EPB41L5: variants seen among roughly 807,000 people sequenced by gnomAD.
EPB41L5 encodes the protein erythrocyte membrane protein band 4.1 like 5.
A neutral mutation model predicts 106.6 loss-of-function variants in EPB41L5; 55 were observed. That is an observed-to-expected ratio of 0.52 (90% CI 0.42 to 0.65). The LOEUF is 0.65. EPB41L5 is among the 30% of genes least tolerant of loss of function. EPB41L5 has a pLI of 0.00. For missense variants in EPB41L5, 871 were observed against 882.1 expected (o/e 0.99, Z 0.16); for synonymous variants, 297 against 306.7 (o/e 0.97, Z 0.33).
At chr2:120,162,637 T>C (rs902059839) in intron 21 of EPB41L5, among the ~76,000 whole-genome samples, 1 of 152,252 alleles carries the variant, frequency 6.6e-6, no homozygotes, top group Non-Finnish European at 1.5e-5. Context: ...TGAGATGTTT[T>C]TGAAGCAGAG....
chr2:120,163,369 T>A (rs1442142640), intron 21 of EPB41L5, among the ~76,000 whole-genome samples: 3 of 151,912 alleles, frequency 2.0e-5, no homozygotes, highest in African/African-American at 7.3e-5. Context: ...TTTTATCTTT[T>A]GTTGTTTTAA....
intron 14 of EPB41L5, among the ~76,000 whole-genome samples, chr2:120,098,094 G>A (rs1360275734): frequency 6.6e-6 from 1 of 150,606 alleles, no homozygotes; most frequent in Admixed American, 6.6e-5. Flanking sequence ...AAAAGAAATT[G>A]TGCCTGATGG....
chr2:120,023,442 C>G (rs1019283952), intron 2 of EPB41L5, among the ~76,000 whole-genome samples: 1 of 152,110 alleles, frequency 6.6e-6, no homozygotes, highest in Non-Finnish European at 1.5e-5. Flanking sequence ...AATAGGGAAT[C>G]GTTTCCCCAT....
intron 16 of EPB41L5, chr2:120,105,451 G>A: frequency 1.0e-6 from 1 of 985,318 alleles, no homozygotes; most frequent in Non-Finnish European, 1.2e-6. Flanking sequence ...AATCCTTCCT[G>A]CCAGACAAAG....
intron 17 of EPB41L5, among the ~76,000 whole-genome samples, chr2:120,129,270 A>G (rs1685593860): frequency 6.6e-6 from 1 of 151,782 alleles, no homozygotes; most frequent in South Asian, 2.1e-4. Context: ...TGGGAGGCAG[A>G]GGTTGCAGTG....
chr2:120,076,991 C>G lies in EPB41L5; in HGVS notation c.526C>G (p.Leu176Val). 1 of 1,604,708 alleles carries G rather than the reference C, an allele frequency of 6.2e-7. No homozygotes were observed. Among genetic ancestry groups the G allele is most frequent in the African/African-American group, 1.3e-5 (1 of 74,738 alleles). Reference sequence around the variant, plus strand: ...TATAGCTGAACTTGGTGACTATGATCTTGCTGAGCATAGTCCTGAACTTGT... The same window carrying G: ...TATAGCTGAACTTGGTGACTATGATGTTGCTGAGCATAGTCCTGAACTTGT... ...NLQAELGDYD[L>V]AEHSPELVSE... The change falls in exon 8 of 25, where the codon CTT becomes GTT. Residue 176 changes from leucine to valine, a missense_variant. Leu to Val is a conservative substitution (Grantham distance 32). Coordinates refer to ENST00000263713, the MANE Select transcript of EPB41L5 (RefSeq NM_020909.4).
intron 13 of EPB41L5, 24 bp from the exon 14 acceptor site, chr2:120,093,225 G>A: frequency 1.2e-6 from 2 of 1,607,084 alleles, no homozygotes; most frequent in Non-Finnish European, 1.7e-6. Flanking sequence ...AACTAATGAG[G>A]TGTTATCTTT....
intron 16 of EPB41L5, chr2:120,103,969 A>G: frequency 7.2e-7 from 1 of 1,396,596 alleles, no homozygotes; most frequent in Non-Finnish European, 9.3e-7. Flanking sequence ...TGCTAGTCAC[A>G]TTACCTTTCC....
chr2:120,159,333 G>C (rs1015881097), intron 20 of EPB41L5, among the ~76,000 whole-genome samples: 2 of 149,168 alleles, frequency 1.3e-5, no homozygotes, highest in African/African-American at 4.9e-5. Flanking sequence ...TGAGGCAGGA[G>C]AATGGAGTGA....
Position 120,160,777 on chromosome 2 carries a change from C to T in EPB41L5, c.1794-104C>T, listed in dbSNP as rs1687105441. 4.1e-6 allele frequency: 3 copies of T among 737,548 alleles called. No homozygotes were observed. The South Asian group carries it at 5.4e-5, about 13-fold the overall frequency. 45.7% of individuals were successfully genotyped at this position (737,548 alleles called of 1,614,324 possible). A position where few individuals can be genotyped will look rare whatever the true frequency, so the allele number is the denominator to read the frequency against. On this transcript the variant is annotated intron_variant, in intron 20 of 24. Coordinates refer to ENST00000263713, the MANE Select transcript of EPB41L5 (RefSeq NM_020909.4). Reference sequence around the variant, plus strand: ...TTTGAGCATTTTTTCATATACCTTCCCCTACATGAATTTGTTGCACTTCTT... The same window carrying T: ...TTTGAGCATTTTTTCATATACCTTCTCCTACATGAATTTGTTGCACTTCTT...
chr2:120,063,738 G>T (rs575666057), intron 3 of EPB41L5, among the ~76,000 whole-genome samples: 3 of 152,178 alleles, frequency 2.0e-5, no homozygotes, highest in African/African-American at 7.2e-5. Flanking sequence ...CTGAGGTCAG[G>T]AGTTCAAGTT....
At chr2:120,172,856 A>G (rs893238431) in intron 24 of EPB41L5, among the ~76,000 whole-genome samples, 1 of 152,168 alleles carries the variant, frequency 6.6e-6, no homozygotes, top group African/African-American at 2.4e-5. Context: ...AGAAAAACAC[A>G]AACAGGCTCC....
intron 20 of EPB41L5, among the ~76,000 whole-genome samples, chr2:120,152,345 T>C (rs149472505): frequency 1.0e-3 from 152 of 152,370 alleles, no homozygotes; most frequent in Non-Finnish European, 1.8e-3. Flanking sequence ...TCTTGTGAAC[T>C]TCTAGAACAA....
chr2:120,143,040 A>T lies in EPB41L5; in HGVS notation c.1637A>T (p.Asn546Ile). ...VVKLTEKCLN[N>I]VIESPGLNVM... Reference sequence around the variant, plus strand: ...AAGTTGACTGAGAAATGCCTTAATAATGTCATTGAGAGCCCAGGATTGAAT... The same window carrying T: ...AAGTTGACTGAGAAATGCCTTAATATTGTCATTGAGAGCCCAGGATTGAAT... Residue 546 changes from asparagine (N) to isoleucine (I), a missense_variant, in exon 19 of 25, where the codon AAT becomes ATT. Asn to Ile is a moderately radical substitution (Grantham distance 149). Transcript: ENST00000263713. 6.2e-7 allele frequency: 1 copy of T among 1,613,114 alleles called. No individual in the cohort carries two copies. The highest frequency in any genetic ancestry group is 1.1e-5 in the South Asian group (1 of 91,008).
intron 3 of EPB41L5, among the ~76,000 whole-genome samples, chr2:120,062,486 T>C (rs1270583169): frequency 1.3e-5 from 2 of 152,138 alleles, no homozygotes; most frequent in Non-Finnish European, 2.9e-5. Context: ...TTTAAAAAAA[T>C]TAAAATAAAT....
At chr2:120,173,663 G>A (rs890181231) in intron 24 of EPB41L5, among the ~76,000 whole-genome samples, 10 of 152,170 alleles carry the variant, frequency 6.6e-5, no homozygotes, top group South Asian at 2.1e-4. Context: ...TTTGTATTAT[G>A]TACTTTGATA....
intron 3 of EPB41L5, among the ~76,000 whole-genome samples, chr2:120,057,034 C>CTATA (rs1440615633): frequency 1.3e-5 from 2 of 152,116 alleles, no homozygotes; most frequent in African/African-American, 2.4e-5. Flanking sequence ...GTAGTGGGGG[C>CTATA]TATAGGCACC....
intron 16 of EPB41L5, among the ~76,000 whole-genome samples, chr2:120,127,444 C>T (rs1302880238): frequency 6.6e-6 from 1 of 152,180 alleles, no homozygotes; most frequent in Non-Finnish European, 1.5e-5. Context: ...CTACATGCAT[C>T]TTCCCATATA....
chr2:120,085,384 T>C (rs1370736009), intron 10 of EPB41L5, among the ~76,000 whole-genome samples: 1 of 152,254 alleles, frequency 6.6e-6, no homozygotes, highest in African/African-American at 2.4e-5. Context: ...CTCCAGACCC[T>C]GTTTGCCTGG....
Sources: gnomAD v4.1 joint callset for allele counts (sites outside exome capture counted in the v4.1 genomes callset) on GRCh38, gnomAD v4.1.1 for gene constraint, MANE v1.5 for transcripts, NCBI Gene and HGNC (gene_info 2026-07-23, HGNC 2026-07-21) for gene names.